The following TMEM108 variants were observed in gnomAD, a reference collection of about 807,000 sequenced individuals.
The protein encoded by TMEM108 is cancer/testis antigen 124.
Under a neutral mutation model 35.1 loss-of-function variants are expected in TMEM108, and 12 were observed. That is an observed-to-expected ratio of 0.34 (90% CI 0.22 to 0.55). The LOEUF is 0.55. Ranked by LOEUF, TMEM108 falls within the 20% of genes least tolerant of loss-of-function variation. TMEM108 has a pLI of 0.89. For missense variants in TMEM108, 680 were observed against 753.3 expected (o/e 0.90, Z 1.14); for synonymous variants, 287 against 308.6 (o/e 0.93, Z 0.73).
At chr3:133,128,273 A>C (rs1944443386) in intron 2 of TMEM108, among the ~76,000 whole-genome samples, 3 of 152,236 alleles carry the variant, frequency 2.0e-5, no homozygotes, top group Admixed American at 1.3e-4. Context: ...AGTGAAAAGC[A>C]CTTACATTGC....
chr3:133,118,108 C>G (rs546814852), intron 2 of TMEM108, among the ~76,000 whole-genome samples: 1 of 150,850 alleles, frequency 6.6e-6, no homozygotes, highest in Non-Finnish European at 1.5e-5. Context: ...TAGAGTACTA[C>G]CTCTAGGTTC....
chr3:133,349,588 T>C (rs1311347978), intron 3 of TMEM108, among the ~76,000 whole-genome samples: 1 of 130,466 alleles, frequency 7.7e-6, no homozygotes, highest in East Asian at 2.5e-4. Context: ...AGGAACTTAA[T>C]AGCAAAAAAA....
At chr3:133,262,654 G>A (rs967854411) in intron 3 of TMEM108, among the ~76,000 whole-genome samples, 1 of 152,204 alleles carries the variant, frequency 6.6e-6, no homozygotes, top group South Asian at 2.1e-4. Flanking sequence ...TAGAGATGAG[G>A]GTGTTGTAAT....
rs544161213 is a variant in TMEM108 at position 133,317,299 on chromosome 3, A to G, written c.41-62453A>G. Among the ~76,000 whole-genome samples, 3 of 152,330 alleles carry G rather than the reference A, an allele frequency of 2.0e-5. No individual in the cohort carries two copies. In the South Asian group the frequency reaches 6.2e-4, roughly 32 times the overall value. On this transcript the variant is annotated intron_variant, in intron 3 of 5. Coordinates refer to ENST00000321871, the MANE Select transcript of TMEM108 (RefSeq NM_023943.4). Reference sequence around the variant, plus strand: ...AAACTGTGTATACTATTCTCTTGATACAAGATACTTGACAGGCTCTCAGCA... The same window carrying G: ...AAACTGTGTATACTATTCTCTTGATGCAAGATACTTGACAGGCTCTCAGCA...
chr3:133,149,021 A>G (rs778213683), intron 2 of TMEM108, among the ~76,000 whole-genome samples: 1 of 152,052 alleles, frequency 6.6e-6, no homozygotes, highest in Non-Finnish European at 1.5e-5. Flanking sequence ...AAAAACAACA[A>G]GAAAACACAA....
At chr3:133,239,470 A>G (rs1051359734) in intron 3 of TMEM108, among the ~76,000 whole-genome samples, 2 of 152,178 alleles carry the variant, frequency 1.3e-5, no homozygotes, top group Admixed American at 1.3e-4. Flanking sequence ...CCCGTCCCAG[A>G]GCAATTAAAT....
chr3:133,154,660 A>G (rs902903252), intron 2 of TMEM108, among the ~76,000 whole-genome samples: 2 of 151,958 alleles, frequency 1.3e-5, no homozygotes, highest in Admixed American at 6.6e-5. Context: ...GAATTGAACA[A>G]TGAGAACACA....
intron 2 of TMEM108, among the ~76,000 whole-genome samples, chr3:133,219,706 A>T (rs1042222786): frequency 6.6e-6 from 1 of 152,102 alleles, no homozygotes; most frequent in Admixed American, 6.6e-5. Context: ...AATATATTTC[A>T]TGTGATTTAG....
chr3:133,239,728 C>G (rs1230795522), intron 3 of TMEM108, among the ~76,000 whole-genome samples: 2 of 152,170 alleles, frequency 1.3e-5, no homozygotes, highest in Non-Finnish European at 2.9e-5. Context: ...TTGAGAATCG[C>G]TATTGTAGAC....
chr3:133,158,696 C>T (rs1026303656), intron 2 of TMEM108, among the ~76,000 whole-genome samples: 29 of 152,094 alleles, frequency 1.9e-4, no homozygotes, highest in African/African-American at 6.0e-4. Context: ...GTGTTTGTGG[C>T]GGGAGATGTG....
At chr3:133,359,241 T>C (rs2107789209) in intron 3 of TMEM108, among the ~76,000 whole-genome samples, 1 of 152,346 alleles carries the variant, frequency 6.6e-6, no homozygotes, top group East Asian at 1.9e-4. Flanking sequence ...GAAAATTCTA[T>C]AGTCAAATCA....
intron 2 of TMEM108, among the ~76,000 whole-genome samples, chr3:133,086,813 G>C (rs1227723415): frequency 6.6e-6 from 1 of 152,206 alleles, no homozygotes; most frequent in Non-Finnish European, 1.5e-5. Flanking sequence ...CTATGGTGTA[G>C]TTTGGGCATT....
chr3:133,156,981 G>A (rs1944891224), intron 2 of TMEM108, among the ~76,000 whole-genome samples: 1 of 152,146 alleles, frequency 6.6e-6, no homozygotes, highest in Non-Finnish European at 1.5e-5. Context: ...TATAAAACAT[G>A]AACAAGAAAT....
chr3:133,361,531 G>A (rs1003493907), intron 3 of TMEM108, among the ~76,000 whole-genome samples: 17 of 152,216 alleles, frequency 1.1e-4, no homozygotes, highest in Non-Finnish European at 2.5e-4. Context: ...GTTTGAAAGT[G>A]TGCAATCTGG....
At chr3:133,225,305 C>A (rs1946053319) in intron 2 of TMEM108, among the ~76,000 whole-genome samples, 2 of 152,134 alleles carry the variant, frequency 1.3e-5, no homozygotes, top group Admixed American at 6.5e-5. Context: ...CTTGGCCTCC[C>A]AAAGTGCTGG....
intron 2 of TMEM108, among the ~76,000 whole-genome samples, chr3:133,171,822 A>T (rs754267989): frequency 1.3e-5 from 2 of 152,214 alleles, no homozygotes; most frequent in Admixed American, 6.5e-5. Flanking sequence ...CCTAACTCTT[A>T]AATGAGCCAA....
intron 3 of TMEM108, among the ~76,000 whole-genome samples, chr3:133,264,013 A>G (rs1054273488): frequency 1.3e-5 from 2 of 152,232 alleles, no homozygotes; most frequent in Non-Finnish European, 2.9e-5. Context: ...ACTTTCAAGA[A>G]GTAAATAACA....
intron 2 of TMEM108, among the ~76,000 whole-genome samples, chr3:133,088,549 T>G (rs976519787): frequency 6.6e-6 from 1 of 152,240 alleles, no homozygotes; most frequent in African/African-American, 2.4e-5. Context: ...ATTCTGCTCC[T>G]AAACTAATTC....
intron 3 of TMEM108, among the ~76,000 whole-genome samples, chr3:133,377,002 G>A (rs553543019): frequency 7.9e-4 from 120 of 152,224 alleles, no homozygotes; most frequent in Non-Finnish European, 1.5e-3. Context: ...TGCAGATGGC[G>A]TCCTCTAGCT....
Sources: allele counts gnomAD v4.1 joint callset (sites outside exome capture counted in the v4.1 genomes callset), GRCh38; gene constraint gnomAD v4.1.1; transcripts MANE v1.5; gene names NCBI Gene and HGNC (gene_info 2026-07-23, HGNC 2026-07-21).